Variants in ZC3H13 observed in about 807,000 individuals in gnomAD.
ZC3H13 encodes zinc finger CCCH domain-containing protein 13.
A neutral mutation model predicts 204.1 loss-of-function variants in ZC3H13; 64 were observed. The observed-to-expected ratio is 0.31, with a 90% CI of 0.26 to 0.39. The LOEUF is 0.39. Among genes scored for constraint, ZC3H13 ranks in the 10% least tolerant of loss-of-function variants. The pLI is 1.00. For missense variants in ZC3H13, 1,833 were observed against 2,082.7 expected, an observed-to-expected ratio of 0.88 and a Z score of 2.33; for synonymous variants, 667 against 693.7, an observed-to-expected ratio of 0.96 and a Z score of 0.60.
In ZC3H13 at chr13:46,035,307, G is replaced by T. The variant is rs998331248; in HGVS notation, c.339+6857C>A. ...ATTAACTGAGGCCCACAGATCAAGA[G>T]AAAAGACATCCCTGCTGTGCCCTTT... On this transcript the variant is annotated intron_variant, in intron 4 of 18. Coordinates refer to ENST00000679008, the MANE Select transcript of ZC3H13 (RefSeq NM_001330564.2). Among the ~76,000 whole-genome samples the T allele has an allele frequency of 5.9e-5, 9 of 152,276 alleles. No individual in the cohort carries two copies. The East Asian group carries it at 1.7e-3, about 29-fold the overall frequency.
At position 45,968,928 on chromosome 13, in the gene ZC3H13, G is replaced by GTT; in HGVS notation, c.3615_3616insAA (p.Leu1206AsnfsTer50). 6.2e-7 allele frequency: 1 copy of GTT among 1,614,228 alleles called. No individual in the cohort carries two copies. Among genetic ancestry groups the GTT allele is most frequent in the Non-Finnish European group, 8.5e-7 (1 of 1,180,050 alleles). ...GCTGAATCATTGGATGGGGAGCGAA[G>GTT]ACGACCAGACGTATGACTACGGTTA... is the stretch of plus-strand genomic sequence containing the variant. On this transcript the variant is annotated frameshift_variant, in exon 14 of 19. Transcript: ENST00000679008. LOFTEE classifies it high-confidence loss of function.
At chr13:46,042,123 A>G (rs2043628809) in intron 4 of ZC3H13, 41 bp downstream of exon 4, 3 of 1,444,412 alleles carry the variant, frequency 2.1e-6, no homozygotes, top group Non-Finnish European at 2.9e-6. Context: ...TTAACAAATC[A>G]CTACTGAAGT....
intron 7 of ZC3H13, among the ~76,000 whole-genome samples, chr13:46,006,984 A>G (rs972977627): frequency 6.6e-6 from 1 of 152,070 alleles, no homozygotes; most frequent in Non-Finnish European, 1.5e-5. Flanking sequence ...ACCCTAACAG[A>G]TATGTGATAA....
chr13:46,019,064 A>G (rs2042076734), intron 5 of ZC3H13, among the ~76,000 whole-genome samples: 1 of 152,146 alleles, frequency 6.6e-6, no homozygotes, highest in East Asian at 1.9e-4. Context: ...GTAACCATAA[A>G]CAAGTTTCCT....
At chr13:45,963,401 G>C in intron 17 of ZC3H13, 3 of 989,482 alleles carry the variant, frequency 3.0e-6, no homozygotes, top group South Asian at 4.6e-5. Flanking sequence ...TGAGCACTTT[G>C]ATATTAGAAC....
rs374563086 is a variant in ZC3H13 at position 45,967,633 on chromosome 13, G to T, written c.4192C>A (p.His1398Asn). 6.2e-7 allele frequency: 1 copy of T among 1,613,880 alleles called. No homozygotes were observed. Among genetic ancestry groups the T allele is most frequent in the Non-Finnish European group, 8.5e-7 (1 of 1,179,986 alleles). The change falls in exon 15 of 19, where the codon CAT becomes AAT. Residue 1398 changes from histidine to asparagine, a missense_variant. Coordinates refer to ENST00000679008, the MANE Select transcript of ZC3H13 (RefSeq NM_001330564.2). Reference sequence around the variant, plus strand: ...GAAGTGCTTTCTAGATCCCTTTCATGTTCACCTTCCAGTTTTGCTTCACAG... The same window carrying T: ...GAAGTGCTTTCTAGATCCCTTTCATTTTCACCTTCCAGTTTTGCTTCACAG... ...KRCEAKLEGEHERDLESTSRD... is the reference protein window; with the variant it reads ...KRCEAKLEGENERDLESTSRD...
intron 13 of ZC3H13, 106 bp downstream of exon 13, chr13:45,970,256 A>T: frequency 7.8e-7 from 1 of 1,274,544 alleles, no homozygotes; most frequent in East Asian, 2.3e-5. Flanking sequence ...AAAGCAAGAC[A>T]ACTTTTTAAA....
At chr13:45,975,063 C>A (rs1952903930) in intron 12 of ZC3H13, among the ~76,000 whole-genome samples, 1 of 151,974 alleles carries the variant, frequency 6.6e-6, no homozygotes, top group Non-Finnish European at 1.5e-5. Flanking sequence ...CCAGGCTGGT[C>A]TCAAACTCCT....
chr13:46,025,752 T>C (rs2042506347), intron 4 of ZC3H13, among the ~76,000 whole-genome samples: 1 of 152,180 alleles, frequency 6.6e-6, no homozygotes, highest in African/African-American at 2.4e-5. Flanking sequence ...TTAATACCAA[T>C]TTTTCTTCTC....
chr13:46,028,387 C>T (rs541146062), intron 4 of ZC3H13, among the ~76,000 whole-genome samples: 5 of 152,308 alleles, frequency 3.3e-5, no homozygotes, highest in African/African-American at 1.2e-4. Context: ...ATTTCACACC[C>T]TTCCATCATA....
rs191107436 is a variant in ZC3H13, at chr13:46,047,667, A to G, written c.-9-2151T>C. 1.1e-3 allele frequency among the ~76,000 whole-genome samples: 160 copies of G among 152,156 alleles called. 2 individuals carry two copies. The East Asian group carries it at 0.024, about 23-fold the overall frequency. On this transcript the variant is annotated intron_variant, in intron 1 of 18. Transcript: ENST00000679008. ...TAGAAAATGTAGAGCTTTGAGAAAA[A>G]CTTTTTTAACAATATATATCCAAGC...
chr13:46,029,273 G>A (rs187276722), intron 4 of ZC3H13, among the ~76,000 whole-genome samples: 1 of 152,044 alleles, frequency 6.6e-6, no homozygotes, highest in Non-Finnish European at 1.5e-5. Context: ...AATTTAAATA[G>A]GTATATATCT....
At chr13:45,968,589 G>A (rs1162523371) in intron 14 of ZC3H13, among the ~76,000 whole-genome samples, 159 bp downstream of exon 14, 2 of 151,988 alleles carry the variant, frequency 1.3e-5, no homozygotes, top group Admixed American at 6.6e-5. Context: ...GTGATAACAG[G>A]TAACATTTTG....
chr13:45,975,587 CTT>C lies in ZC3H13; in HGVS notation c.2162_2163del (p.Lys721ArgfsTer5). The C allele has an allele frequency of 6.4e-7, 1 of 1,569,802 alleles. No homozygotes were observed. The highest frequency in any genetic ancestry group is 8.6e-7 in the Non-Finnish European group (1 of 1,157,114). On this transcript the variant is annotated frameshift_variant, in exon 12 of 19. Transcript: ENST00000679008. LOFTEE classifies it high-confidence loss of function. ...TCTCTATCCCTTTCACGATCTCTCTCTTTTTCTCTTTCTCTCTCCCGTTCCCT... is the reference window on the plus strand; with the variant it reads ...TCTCTATCCCTTTCACGATCTCTCTCTTTCTCTTTCTCTCTCCCGTTCCCT... Reference protein sequence around the residue: ...RAREREREREKERDRERDRDR... With the variant: ...RAREREREREXERDRERDRDR...
chr13:46,034,937 A>G (rs1201584415), intron 4 of ZC3H13, among the ~76,000 whole-genome samples: 1 of 152,164 alleles, frequency 6.6e-6, no homozygotes, highest in Admixed American at 6.6e-5. Context: ...GTTAGTATAC[A>G]CGCATATATT....
chr13:46,047,092 C>A (rs1300751554), intron 1 of ZC3H13, among the ~76,000 whole-genome samples: 1 of 152,046 alleles, frequency 6.6e-6, no homozygotes, highest in Non-Finnish European at 1.5e-5. Flanking sequence ...GAAATTAAAT[C>A]GTGGTAGTAC....
chr13:46,021,914 A>G (rs901333520), intron 4 of ZC3H13, among the ~76,000 whole-genome samples: 8 of 151,980 alleles, frequency 5.3e-5, no homozygotes, highest in African/African-American at 1.7e-4. Context: ...GAATAACTAT[A>G]CCAAAAATAT....
In ZC3H13 at chr13:46,050,901, C is replaced by CA. The variant is rs796913034; in HGVS notation, c.-10+1502dup. On this transcript the variant is annotated intron_variant, in intron 1 of 18. Transcript: ENST00000679008. ...AAAAGAACTGCATCATACAAAAATACAAAAAAAAAAGAATAAAAGACTCTT... is the reference window on the plus strand; with the variant it reads ...AAAAGAACTGCATCATACAAAAATACAAAAAAAAAAAGAATAAAAGACTCTT... Among the ~76,000 whole-genome samples the CA allele has an allele frequency of 1.7e-3, 243 of 145,530 alleles. 2 individuals carry two copies. The highest frequency in any genetic ancestry group is 2.8e-3 in the Admixed American group (41 of 14,696).
chr13:46,043,291 A>G lies in ZC3H13; in HGVS notation c.228-1016T>C, dbSNP rs187110312. On this transcript the variant is annotated intron_variant, in intron 3 of 18. Coordinates refer to ENST00000679008, the MANE Select transcript of ZC3H13 (RefSeq NM_001330564.2). ...TAAATCATAAGGTTAGTAAAGAAAT[A>G]ATTTGAGTTAATTCACTTTAAAGGA... is the stretch of plus-strand genomic sequence containing the variant. Among the ~76,000 whole-genome samples, 92 of 152,118 alleles carry G rather than the reference A, an allele frequency of 6.0e-4. 1 individual carries two copies. In the East Asian group the frequency reaches 9.7e-3, roughly 16 times the overall value.
Sources: gnomAD v4.1 joint callset for allele counts (sites outside exome capture counted in the v4.1 genomes callset) on GRCh38, gnomAD v4.1.1 for gene constraint, MANE v1.5 for transcripts, NCBI Gene and HGNC (gene_info 2026-07-23, HGNC 2026-07-21) for gene names.